The following SYNC variants were observed in gnomAD, a reference collection of about 807,000 sequenced individuals.
SYNC encodes syncoilin.
In SYNC, 38 loss-of-function variants were observed where a neutral mutation model predicts 49.5. The ratio of observed to expected loss-of-function variants is 0.77; its 90% CI spans 0.59 to 1.01. The LOEUF is 1.01. Among genes scored for constraint, SYNC ranks in the 50% least tolerant of loss-of-function variants. The probability of loss-of-function intolerance (pLI) is 0.00; values close to 1 mark genes in which losing one functional copy is unlikely to be tolerated. For missense variants in SYNC, 579 were observed against 580.6 expected (o/e 1.00, Z 0.03); for synonymous variants, 201 against 230.8 (o/e 0.87, Z 1.17).
upstream of SYNC, among the ~76,000 whole-genome samples, chr1:32,703,355 A>G (rs2148567633): frequency 6.6e-6 from 1 of 152,020 alleles, no homozygotes; most frequent in East Asian, 1.9e-4. Flanking sequence ...TTGAGTCCAT[A>G]TTTAACCCCA....
chr1:32,694,903 C>G lies in SYNC; in HGVS notation c.1195G>C (p.Val399Leu), dbSNP rs1557875567. 1 of 1,611,330 alleles carries G rather than the reference C, an allele frequency of 6.2e-7. No homozygotes were observed. Among genetic ancestry groups the G allele is most frequent in the South Asian group, 1.1e-5 (1 of 90,892 alleles). ...ACCTCTTCATCTCGTTTTTGCCTCA[C>G]AAGTGCGATCTGGTCCTCCAGGTTC... is the stretch of plus-strand genomic sequence containing the variant. ...NRNLEDQIAL[V>L]RQKRDEEVQQ... The change falls in exon 2 of 5, where the codon GTG becomes CTG. Residue 399 changes from valine (V) to leucine (L), a missense_variant. Val to Leu is a conservative substitution (Grantham distance 32). Coordinates refer to ENST00000409190, the MANE Select transcript of SYNC (RefSeq NM_030786.3).
chr1:32,694,143 G>A lies in SYNC; in HGVS notation c.1233+722C>T, dbSNP rs149154896. On this transcript the variant is annotated intron_variant, in intron 2 of 4. Transcript: ENST00000409190. ...GCTTGGGGGCTAAGGCAGGAGGATC[G>A]CTTGAGCCCAAGAGGTTTGAGGTGC... 2.3e-3 allele frequency among the ~76,000 whole-genome samples: 348 copies of A among 152,094 alleles called. 2 individuals carry two copies. Among genetic ancestry groups the A allele is most frequent in the African/African-American group, 7.8e-3 (323 of 41,506 alleles).
At position 32,695,355 on chromosome 1, in the gene SYNC, T is replaced by G; in HGVS notation, c.743A>C (p.Lys248Thr). 6.4e-7 allele frequency: 1 copy of G among 1,551,636 alleles called. No homozygotes were observed. ...EIRLVKQKLFKVTKECVAYQY... is the reference protein window; with the variant it reads ...EIRLVKQKLFTVTKECVAYQY... ...GTAGGCCACACATTCCTTTGTCACT[T>G]TGAAAAGCTTCTGCTTGACCAGCCG... The change falls in exon 2 of 5, where the codon AAA becomes ACA. Residue 248 changes from lysine to threonine, a missense_variant. Transcript: ENST00000409190.
rs1295761364 is a variant in SYNC at position 32,695,990 on chromosome 1, A to T, written c.108T>A (p.Asn36Lys). ...SPLPKNSGSL[N>K]EAEALNPEVT... ...CTTCTGGGTTCAAGGCTTCTGCCTCATTTAGGGATCCAGAGTTCTTTGGAA... is the reference window on the plus strand; with the variant it reads ...CTTCTGGGTTCAAGGCTTCTGCCTCTTTTAGGGATCCAGAGTTCTTTGGAA... Residue 36 changes from asparagine (N) to lysine (K), a missense_variant, in exon 2 of 5, where the codon AAT (asparagine) becomes AAA (lysine). Asn to Lys is a moderately conservative substitution (Grantham distance 94). Coordinates refer to ENST00000409190, the MANE Select transcript of SYNC (RefSeq NM_030786.3). 6.5e-7 allele frequency: 1 copy of T among 1,541,480 alleles called. No individual in the cohort carries two copies. Among genetic ancestry groups the T allele is most frequent in the South Asian group, 1.2e-5 (1 of 84,068 alleles).
At chr1:32,682,195 A>G in intron 4 of SYNC, 1 of 252,962 alleles carries the variant, frequency 4.0e-6, no homozygotes, top group Non-Finnish European at 7.6e-6. Flanking sequence ...ATTAACCTCA[A>G]TTGCAAGGTT....
chr1:32,693,165 C>A (rs1162819432), intron 2 of SYNC, among the ~76,000 whole-genome samples: 4 of 151,556 alleles, frequency 2.6e-5, no homozygotes, highest in Non-Finnish European at 5.9e-5. Flanking sequence ...TCACTGCAAC[C>A]TCCGCCTCCC....
Position 32,695,562 on chromosome 1 carries a change from A to C in SYNC, c.536T>G (p.Phe179Cys). The change falls in exon 2 of 5, where the codon TTC becomes TGC. Residue 179 changes from phenylalanine to cysteine, a missense_variant. Phe to Cys is a radical substitution (Grantham distance 205). Coordinates refer to ENST00000409190, the MANE Select transcript of SYNC (RefSeq NM_030786.3). Reference sequence around the variant, plus strand: ...GGCCACAGCTTGGACACACTGCTGGAAACGCCCCTCTAGCAATTCCAGGTC... The same window carrying C: ...GGCCACAGCTTGGACACACTGCTGGCAACGCCCCTCTAGCAATTCCAGGTC... ...IEDLELLEGR[F>C]QQCVQAVAQL... is the part of the protein sequence containing the mutation. The C allele has an allele frequency of 6.4e-7, 1 of 1,551,398 alleles. No individual in the cohort carries two copies.
Position 32,695,477 on chromosome 1 carries a change from G to A in SYNC, c.621C>T (p.Ala207=), listed in dbSNP as rs936756483. Residue 207 remains alanine, a synonymous_variant, in exon 2 of 5, where the codon GCC becomes GCT. Transcript: ENST00000409190. ...GATGGACTTGCTGTACCTCCTGCAG[G>A]GCTGGTTCCCGGAGCAATACAAGCT... ...IHELVLLREP[A]LQEVQQVHQD... 7.7e-6 allele frequency: 12 copies of A among 1,551,240 alleles called. No homozygotes were observed. The highest frequency in any genetic ancestry group is 1.0e-5 in the Non-Finnish European group (12 of 1,146,982).
At chr1:32,682,390 C>T (rs1649498179) in intron 4 of SYNC, 1 of 151,636 alleles carries the variant, frequency 6.6e-6, no homozygotes, top group Non-Finnish European at 1.5e-5. Context: ...ACTACTCCAG[C>T]CTGGGCAAAA....
Position 32,701,549 on chromosome 1 carries a change from G to C in SYNC, c.53+1059C>G, listed in dbSNP as rs949442155. On this transcript the variant is annotated intron_variant, in intron 1 of 4. Transcript: ENST00000409190. ...GCTGGAAGTAAAACCCAGGCCTCCT[G>C]ACCTCCAAGCTGTGCTGTTAGCACA... Among the ~76,000 whole-genome samples the C allele has an allele frequency of 2.0e-4, 31 of 152,304 alleles. 1 individual carries two copies. Among genetic ancestry groups the C allele is most frequent in the Admixed American group, 2.0e-3 (31 of 15,288 alleles).
intron 2 of SYNC, among the ~76,000 whole-genome samples, chr1:32,686,899 G>C (rs1570902052): frequency 6.6e-6 from 1 of 152,304 alleles, no homozygotes; most frequent in Middle Eastern, 3.4e-3. Flanking sequence ...AAACTTTTCT[G>C]TGCAACCCCA....
chr1:32,687,846 A>ATTATTATTATTATTATTAT (rs1570905055), intron 2 of SYNC, among the ~76,000 whole-genome samples: 1 of 30,028 alleles, frequency 3.3e-5, no homozygotes, highest in Admixed American at 3.6e-4. Flanking sequence ...TATTATTATT[A>ATTATTATTATTATTATTAT]TTATTATTAT....
At chr1:32,694,663 A>C (rs1030159600) in intron 2 of SYNC, among the ~76,000 whole-genome samples, 15 of 152,058 alleles carry the variant, frequency 9.9e-5, no homozygotes, top group African/African-American at 3.4e-4. Flanking sequence ...CAAAAAAAAA[A>C]AAACAAAAAA....
intron 2 of SYNC, chr1:32,686,174 A>G (rs1263910133): frequency 3.3e-5 from 5 of 152,200 alleles, no homozygotes; most frequent in African/African-American, 1.2e-4. Flanking sequence ...ACATGTTGAA[A>G]TATATGTGTT....
At chr1:32,691,136 T>G (rs1293836008) in intron 2 of SYNC, among the ~76,000 whole-genome samples, 1 of 151,858 alleles carries the variant, frequency 6.6e-6, no homozygotes, top group African/African-American at 2.4e-5. Context: ...GAAAATCGCT[T>G]GAACCCAGGA....
chr1:32,684,539 AGTT>A (rs1294571071), intron 2 of SYNC, 157 bp from the exon 3 acceptor site: 3 of 1,125,548 alleles, frequency 2.7e-6, no homozygotes, highest in Non-Finnish European at 3.7e-6. Context: ...GGTTCAAAGA[AGTT>A]GTGTCTTGGA....
chr1:32,693,914 G>A (rs1557875032), intron 2 of SYNC, among the ~76,000 whole-genome samples: 1 of 152,116 alleles, frequency 6.6e-6, no homozygotes, highest in African/African-American at 2.4e-5. Context: ...GACCAGCCTG[G>A]GCAACATGGC....
intron 4 of SYNC, chr1:32,682,187 T>A (rs1241347375): frequency 3.7e-6 from 1 of 267,286 alleles, no homozygotes; most frequent in Non-Finnish European, 7.1e-6. Context: ...AGTAGATCAT[T>A]AACCTCAATT....
chr1:32,698,379 C>T (rs1267673990), intron 1 of SYNC, among the ~76,000 whole-genome samples: 1 of 151,978 alleles, frequency 6.6e-6, no homozygotes, highest in Non-Finnish European at 1.5e-5. Flanking sequence ...ATTAGCCAGG[C>T]GTGGTGGCGG....
Sources: gnomAD v4.1 joint callset for allele counts (sites outside exome capture counted in the v4.1 genomes callset) on GRCh38, gnomAD v4.1.1 for gene constraint, MANE v1.5 for transcripts, NCBI Gene and HGNC (gene_info 2026-07-23, HGNC 2026-07-21) for gene names.